The following TAF3 variants were observed in gnomAD, a reference collection of about 807,000 sequenced individuals.
TAF3 encodes transcription initiation factor TFIID subunit 3.
Under a neutral mutation model 80.6 loss-of-function variants are expected in TAF3, and 7 were observed. The ratio of observed to expected loss-of-function variants is 0.09; its 90% confidence interval spans 0.05 to 0.16. TAF3 has a LOEUF of 0.16. Among genes scored for constraint, TAF3 ranks in the 10% least tolerant of loss-of-function variants. TAF3 has a pLI of 1.00. For missense variants in TAF3, 921 were observed against 1,140.2 expected (o/e 0.81, Z 2.77); for synonymous variants, 444 against 446.1 (o/e 1.00, Z 0.06).
At chr10:7,863,885 A>G (rs941737747) in intron 2 of TAF3, among the ~76,000 whole-genome samples, 2 of 151,670 alleles carry the variant, frequency 1.3e-5, no homozygotes, top group Admixed American at 6.6e-5. Context: ...CATATTTTCA[A>G]TGTTTTACAT....
intron 3 of TAF3, among the ~76,000 whole-genome samples, chr10:7,969,851 C>T (rs1203855886): frequency 6.6e-6 from 1 of 152,228 alleles, no homozygotes; most frequent in Non-Finnish European, 1.5e-5. Context: ...AGCTCTGCCA[C>T]TTACTCGTTA....
At chr10:7,900,253 T>TA (rs1294590929) in intron 2 of TAF3, among the ~76,000 whole-genome samples, 3 of 152,226 alleles carry the variant, frequency 2.0e-5, no homozygotes, top group East Asian at 1.9e-4. Context: ...TTCTATTCTT[T>TA]AAAAAAGTCA....
At chr10:7,835,693 G>T (rs893044233) in intron 2 of TAF3, among the ~76,000 whole-genome samples, 2 of 152,168 alleles carry the variant, frequency 1.3e-5, no homozygotes, top group Non-Finnish European at 2.9e-5. Context: ...CGCTCTTCTC[G>T]GGTTGGCCTG....
chr10:7,914,920 G>T lies in TAF3; in HGVS notation c.410-49000G>T, dbSNP rs2990215. Among the ~76,000 whole-genome samples, 14 of 145,172 alleles carry T rather than the reference G, an allele frequency of 9.6e-5. 1 individual carries two copies. In the South Asian group the frequency reaches 1.7e-3, roughly 18 times the overall value. On this transcript the variant is annotated intron_variant, in intron 2 of 6. Transcript: ENST00000344293. Reference sequence around the variant, plus strand: ...CACACCTCATGCCCCTGAAAGCCTCGGTGCTCCCAGCCTTTTTTTTTTTTT... The same window carrying T: ...CACACCTCATGCCCCTGAAAGCCTCTGTGCTCCCAGCCTTTTTTTTTTTTT...
chr10:8,007,539 T>C (rs1832006042), intron 4 of TAF3, among the ~76,000 whole-genome samples: 1 of 142,914 alleles, frequency 7.0e-6, no homozygotes, highest in African/African-American at 2.6e-5. Context: ...CTGTCTGTTA[T>C]ATTGTTTTCT....
At chr10:7,842,067 C>T (rs186074146) in intron 2 of TAF3, among the ~76,000 whole-genome samples, 50 of 151,922 alleles carry the variant, frequency 3.3e-4, no homozygotes, top group Non-Finnish European at 6.9e-4. Context: ...GGCAGAGGCC[C>T]TCCTATCGTT....
chr10:7,894,535 T>TA (rs1268705895), intron 2 of TAF3, among the ~76,000 whole-genome samples: 8 of 152,228 alleles, frequency 5.3e-5, no homozygotes, highest in Non-Finnish European at 1.0e-4. Flanking sequence ...GTTGAACTGT[T>TA]AAAAGTAGAA....
chr10:7,833,941 T>G, intron 2 of TAF3: 1 of 394,314 alleles, frequency 2.5e-6, no homozygotes, highest in Non-Finnish European at 4.2e-6. Context: ...GATCTTGCCA[T>G]TCCCGCTGGG....
chr10:8,000,042 TG>T (rs1831928071), intron 4 of TAF3, among the ~76,000 whole-genome samples: 1 of 152,252 alleles, frequency 6.6e-6, no homozygotes, highest in South Asian at 2.1e-4. Flanking sequence ...TAATTTTAAG[TG>T]TATAACTCAA....
At chr10:7,820,512 T>G (rs1452791109) in intron 1 of TAF3, among the ~76,000 whole-genome samples, 1 of 152,252 alleles carries the variant, frequency 6.6e-6, no homozygotes. Context: ...CTTCTTCTTT[T>G]GAGACAGGGT....
intron 3 of TAF3, among the ~76,000 whole-genome samples, chr10:7,966,860 A>G (rs1831576016): frequency 6.6e-6 from 1 of 152,232 alleles, no homozygotes. Flanking sequence ...TGGCTATCCT[A>G]AAATATAAAA....
chr10:7,910,987 C>CTAAGT (rs201617646), intron 2 of TAF3, among the ~76,000 whole-genome samples: 2,844 of 152,264 alleles, frequency 0.019, 83 homozygotes, highest in African/African-American at 0.064. Context: ...ACCTTAGCTT[C>CTAAGT]TAAGTGTCTT....
intron 2 of TAF3, among the ~76,000 whole-genome samples, chr10:7,926,720 T>C (rs1837818187): frequency 6.6e-6 from 1 of 152,204 alleles, no homozygotes; most frequent in Non-Finnish European, 1.5e-5. Context: ...TAATTCTTTT[T>C]TTCTTCCTTT....
chr10:7,866,395 A>G (rs924753284), intron 2 of TAF3, among the ~76,000 whole-genome samples: 3 of 152,202 alleles, frequency 2.0e-5, no homozygotes, highest in African/African-American at 7.2e-5. Flanking sequence ...TGACCACGGA[A>G]TTTCAGGGCA....
At chr10:7,874,760 AT>A (rs1393848794) in intron 2 of TAF3, among the ~76,000 whole-genome samples, 1 of 151,678 alleles carries the variant, frequency 6.6e-6, no homozygotes, top group African/African-American at 2.4e-5. Context: ...TGAAATGTAG[AT>A]TGCATTTCTT....
chr10:7,889,441 A>G (rs1184172760), intron 2 of TAF3, among the ~76,000 whole-genome samples: 1 of 152,258 alleles, frequency 6.6e-6, no homozygotes, highest in Non-Finnish European at 1.5e-5. Context: ...TGTCTGTTAC[A>G]GATGAGGAAG....
In TAF3 at chr10:7,965,081, A is replaced by C; in HGVS notation, c.1571A>C (p.Lys524Thr). 6.2e-7 allele frequency: 1 copy of C among 1,614,124 alleles called. No individual in the cohort carries two copies. The highest frequency in any genetic ancestry group is 1.7e-5 in the Admixed American group (1 of 60,026). The change falls in exon 3 of 7, where the codon AAG (lysine) becomes ACG (threonine). Residue 524 changes from lysine to threonine, a missense_variant. By Grantham distance (78) the Lys-to-Thr change is moderately conservative. Around this residue, in one of 6 missense-constraint regions of TAF3, gnomAD observed 743 missense variants for 821.0 expected, o/e 0.90. Coordinates refer to ENST00000344293, the MANE Select transcript of TAF3 (RefSeq NM_031923.4). ...CCTTCCTCCGTGGAGGTAAAGAAGA[A>C]GTTGAAAAAGGAACTAAAGACTAAA... ...KLPSSVEVKK[K>T]LKKELKTKMK... is the part of the protein sequence containing the mutation.
At chr10:7,839,987 G>A (rs553968380) in intron 2 of TAF3, among the ~76,000 whole-genome samples, 140 of 152,132 alleles carry the variant, frequency 9.2e-4, no homozygotes, top group African/African-American at 3.3e-3. Context: ...CTTTCAAAAA[G>A]GTTTTTCCTT....
chr10:7,853,803 G>C (rs1175034614), intron 2 of TAF3, among the ~76,000 whole-genome samples: 1 of 152,166 alleles, frequency 6.6e-6, no homozygotes, highest in Non-Finnish European at 1.5e-5. Context: ...TTACCATCTG[G>C]TCCTTTAAGT....
Sources: gnomAD v4.1 joint callset for allele counts (sites outside exome capture counted in the v4.1 genomes callset) on GRCh38, gnomAD v4.1.1 for gene constraint, gnomAD v4.1.1 regional missense constraint, MANE v1.5 for transcripts, NCBI Gene and HGNC (gene_info 2026-07-23, HGNC 2026-07-21) for gene names.